Variants in KATNIP observed in about 807,000 individuals in gnomAD.
KATNIP encodes the protein katanin-interacting protein.
Under a neutral mutation model 174.0 loss-of-function variants are expected in KATNIP, and 126 were observed. The observed-to-expected ratio is 0.72, with a 90% CI of 0.63 to 0.84. KATNIP has a LOEUF of 0.84. KATNIP is among the 40% of genes least tolerant of loss of function. The pLI, the probability that KATNIP is intolerant of heterozygous loss-of-function variation, is 0.00. For missense variants in KATNIP, 1,958 were observed against 2,109.7 expected (o/e 0.93, Z 1.41); for synonymous variants, 810 against 835.7 (o/e 0.97, Z 0.53).
rs750578007 is a variant in KATNIP at position 27,721,625 on chromosome 16, G to C, written c.1673G>C (p.Arg558Pro). ...HPPLQLFFVIRNTRQLGDFHL... is the reference protein window; with the variant it reads ...HPPLQLFFVIPNTRQLGDFHL... ...CCACTCCAGCTGTTTTTTGTTATTC[G>C]AAACACAAGACAGCTGGGGGACTTC... The change falls in exon 14 of 28, where the codon CGA (arginine) becomes CCA (proline). Residue 558 changes from arginine (R) to proline (P), a missense_variant. By Grantham distance (103) the Arg-to-Pro change is moderately radical. Transcript: ENST00000261588. 1.2e-6 allele frequency: 2 copies of C among 1,613,990 alleles called. No individual in the cohort carries two copies. The highest frequency in any genetic ancestry group is 1.7e-6 in the Non-Finnish European group (2 of 1,180,020).
At chr16:27,669,372 G>T in intron 6 of KATNIP, 1 of 922,644 alleles carries the variant, frequency 1.1e-6, no homozygotes, top group South Asian at 5.0e-5. Flanking sequence ...ATCTCCACCT[G>T]CGGTGTTGGC....
chr16:27,743,853 C>T (rs1597355597), intron 15 of KATNIP, among the ~76,000 whole-genome samples: 1 of 152,278 alleles, frequency 6.6e-6, no homozygotes, highest in East Asian at 1.9e-4. Context: ...GCCATCATCA[C>T]CCACCTGCCC....
At chr16:27,768,027 A>T (rs2082179588) in intron 20 of KATNIP, among the ~76,000 whole-genome samples, 1 of 151,642 alleles carries the variant, frequency 6.6e-6, no homozygotes, top group Non-Finnish European at 1.5e-5. Context: ...TGTTGGGCTG[A>T]GTTCCCATCT....
At chr16:27,561,349 A>T (rs1425559858) in intron 1 of KATNIP, among the ~76,000 whole-genome samples, 1 of 151,948 alleles carries the variant, frequency 6.6e-6, no homozygotes, top group African/African-American at 2.4e-5. Flanking sequence ...GTGGACACAT[A>T]TGGTTTCCCC....
chr16:27,747,547 C>T (rs2143717216), intron 15 of KATNIP, among the ~76,000 whole-genome samples: 1 of 152,256 alleles, frequency 6.6e-6, no homozygotes, highest in South Asian at 2.1e-4. Context: ...TACATCCTTC[C>T]AGCTTCAGCA....
intron 8 of KATNIP, among the ~76,000 whole-genome samples, chr16:27,693,208 C>T (rs1200290842): frequency 2.0e-5 from 3 of 152,166 alleles, no homozygotes; most frequent in African/African-American, 7.2e-5. Context: ...TTTACTTTCT[C>T]ATCTCTCCTG....
At chr16:27,713,814 A>ATGTGTGTGTGTGTGTGTGTGTGTG (rs2079773697) in intron 13 of KATNIP, among the ~76,000 whole-genome samples, 2 of 20,884 alleles carry the variant, frequency 9.6e-5, no homozygotes, top group African/African-American at 7.0e-4. Context: ...ATATACATAT[A>ATGTGTGTGTGTGTGTGTGTGTGTG]TATATATATA....
intron 24 of KATNIP, among the ~76,000 whole-genome samples, chr16:27,775,526 C>T (rs576873485): frequency 1.2e-3 from 188 of 152,360 alleles, no homozygotes; most frequent in Non-Finnish European, 1.9e-3. Context: ...GCCCTGCCCT[C>T]CTTCTGGCCC....
intron 1 of KATNIP, 88 bp from the exon 2 acceptor site, chr16:27,573,813 T>C: frequency 1.7e-6 from 2 of 1,183,184 alleles, no homozygotes; most frequent in South Asian, 1.2e-5. Context: ...GTCCCATCTA[T>C]TCAGTTTGCA....
intron 6 of KATNIP, among the ~76,000 whole-genome samples, chr16:27,650,127 T>G (rs904705823): frequency 6.6e-6 from 1 of 151,684 alleles, no homozygotes; most frequent in African/African-American, 2.4e-5. Context: ...GAGCCAAGAC[T>G]GCACCACTGC....
chr16:27,685,586 C>T (rs749257508), intron 8 of KATNIP, among the ~76,000 whole-genome samples: 11 of 152,132 alleles, frequency 7.2e-5, no homozygotes, highest in Non-Finnish European at 1.5e-5. Context: ...TAATAAAGAT[C>T]AGATTACCAG....
rs1369663048 is a variant in KATNIP at position 27,686,745 on chromosome 16, C to CT, written c.940+5222dup. ...TCTATTAGCTTGTTAGTTATACATT[C>CT]TTTTTTTATTATTATTCTAGTCATT... On this transcript the variant is annotated intron_variant, in intron 8 of 27. Coordinates refer to ENST00000261588, the MANE Select transcript of KATNIP (RefSeq NM_015202.5). Among the ~76,000 whole-genome samples the CT allele has an allele frequency of 1.1e-4, 16 of 151,914 alleles. 1 individual carries two copies. The South Asian group carries it at 2.5e-3, about 24-fold the overall frequency.
At chr16:27,626,882 T>G (rs1244476320) in intron 3 of KATNIP, among the ~76,000 whole-genome samples, 1 of 151,668 alleles carries the variant, frequency 6.6e-6, no homozygotes, top group Non-Finnish European at 1.5e-5. Flanking sequence ...CAGAATCGCT[T>G]GAACCCCAGG....
chr16:27,635,351 C>G (rs1034429982), intron 5 of KATNIP, among the ~76,000 whole-genome samples: 5 of 152,230 alleles, frequency 3.3e-5, no homozygotes, highest in African/African-American at 1.2e-4. Context: ...GCTTTCTGGC[C>G]TCTACCCCAC....
chr16:27,727,610 T>C (rs925345146), intron 14 of KATNIP: 1 of 152,270 alleles, frequency 6.6e-6, no homozygotes, highest in Non-Finnish European at 1.5e-5. Context: ...GATGAGGGTG[T>C]CAGTGCTCTT....
Position 27,569,471 on chromosome 16 carries a change from T to C in KATNIP, c.8-4430T>C, listed in dbSNP as rs140597435. Among the ~76,000 whole-genome samples the C allele has an allele frequency of 3.2e-4, 49 of 152,390 alleles. 1 individual carries two copies. The highest frequency in any genetic ancestry group is 8.9e-4 in the African/African-American group (37 of 41,598). On this transcript the variant is annotated intron_variant, in intron 1 of 27. Coordinates refer to ENST00000261588, the MANE Select transcript of KATNIP (RefSeq NM_015202.5). ...TATATTGGCCTTATTTATTGCTTCA[T>C]AGCTGAAGCAGGCAGGTCACCCTGC...
At position 27,749,562 on chromosome 16, in the gene KATNIP, C is replaced by T. The variant is rs372055033; in HGVS notation, c.2624-22C>T. On this transcript the variant is annotated intron_variant, in intron 15 of 27. Transcript: ENST00000261588. ...CACATGCCACTCACAGGGCTTCCCC[C>T]CTCTTGTGTCCTTTCTTCCAGAAGA... is the stretch of plus-strand genomic sequence containing the variant. 87 of 1,520,150 alleles carry T rather than the reference C, an allele frequency of 5.7e-5. No homozygotes were observed. The African/African-American group carries it at 8.3e-4, about 15-fold the overall frequency. 94.2% of individuals were successfully genotyped at this position (1,520,150 alleles called of 1,614,324 possible). A position where few individuals can be genotyped will look rare whatever the true frequency, so the allele number is the denominator to read the frequency against.
At chr16:27,706,909 C>T (rs1198669901) in intron 12 of KATNIP, among the ~76,000 whole-genome samples, 1 of 152,250 alleles carries the variant, frequency 6.6e-6, no homozygotes, top group Non-Finnish European at 1.5e-5. Flanking sequence ...AGCTTTATCA[C>T]TGTCCTGCAT....
At chr16:27,592,270 CTTTTTTTT>C (rs71137799) in intron 2 of KATNIP, among the ~76,000 whole-genome samples, 2 of 44,822 alleles carry the variant, frequency 4.5e-5, no homozygotes, top group African/African-American at 1.9e-4. Context: ...GCATATATTA[CTTTTTTTT>C]TTTTTTTTTT....
Sources: gnomAD v4.1 joint callset for allele counts (sites outside exome capture counted in the v4.1 genomes callset) on GRCh38, gnomAD v4.1.1 for gene constraint, MANE v1.5 for transcripts, NCBI Gene and HGNC (gene_info 2026-07-23, HGNC 2026-07-21) for gene names.